Variants in MAP2K4 observed in about 807,000 individuals in gnomAD.
The protein encoded by MAP2K4 is mitogen-activated protein kinase kinase 4.
In MAP2K4, 4 loss-of-function variants were observed where a neutral mutation model predicts 48.5. The observed-to-expected ratio is 0.08, with a 90% CI of 0.04 to 0.19. The LOEUF (loss-of-function observed/expected upper bound fraction) is 0.19, where lower values mean the gene tolerates loss of function less well. MAP2K4 is among the 10% of genes least tolerant of loss of function. The probability of loss-of-function intolerance (pLI) is 1.00; values close to 1 mark genes in which losing one functional copy is unlikely to be tolerated. For missense variants in MAP2K4, 258 were observed against 493.3 expected, an observed-to-expected ratio of 0.52 and a Z score of 4.52; for synonymous variants, 166 against 173.1, an observed-to-expected ratio of 0.96 and a Z score of 0.32.
intron 9 of MAP2K4, among the ~76,000 whole-genome samples, chr17:12,130,096 T>C (rs1288872994): frequency 6.6e-6 from 1 of 152,220 alleles, no homozygotes; most frequent in African/African-American, 2.4e-5. Flanking sequence ...AAATACCTTT[T>C]GGTTTCTCAT....
At chr17:12,133,642 G>C (rs576242208) in intron 9 of MAP2K4, among the ~76,000 whole-genome samples, 39 of 151,792 alleles carry the variant, frequency 2.6e-4, no homozygotes, top group Non-Finnish European at 4.9e-4. Context: ...TTTGTCCTGG[G>C]GGAAGAAAAA....
Position 12,113,292 on chromosome 17 carries a change from G to A in MAP2K4, c.745G>A (p.Gly249Ser), listed in dbSNP as rs1972369123. The change falls in exon 7 of 11, where the codon GGC becomes AGC. Residue 249 changes from glycine (G) to serine (S), a missense_variant. By Grantham distance (56) the Gly-to-Ser change is moderately conservative. This residue lies in a region of MAP2K4 where 132 missense variants were observed against 352.8 expected (regional missense o/e 0.37). Transcript: ENST00000353533. ...TGGAAATATTAAGCTCTGTGACTTCGGCATCAGTGGACAGCTTGTGGACTC... is the reference window on the plus strand; with the variant it reads ...TGGAAATATTAAGCTCTGTGACTTCAGCATCAGTGGACAGCTTGTGGACTC... ...RSGNIKLCDF[G>S]ISGQLVDSIA... The A allele has an allele frequency of 1.2e-5, 19 of 1,613,688 alleles. No homozygotes were observed. The highest frequency in any genetic ancestry group is 6.8e-6 in the Non-Finnish European group (8 of 1,179,738).
chr17:12,045,120 A>G (rs1969920774), intron 1 of MAP2K4, among the ~76,000 whole-genome samples: 1 of 152,176 alleles, frequency 6.6e-6, no homozygotes, highest in South Asian at 2.1e-4. Flanking sequence ...GCCACTCACT[A>G]GAGCTCTGTG....
chr17:12,098,080 A>ATAGTTTTACAATAAAAGTG (rs967914580), intron 4 of MAP2K4, among the ~76,000 whole-genome samples: 3 of 152,220 alleles, frequency 2.0e-5, no homozygotes, highest in African/African-American at 4.8e-5. Flanking sequence ...TAGTTTTTCA[A>ATAGTTTTACAATAAAAGTG]TAGTTTTACA....
chr17:12,033,240 A>G (rs1969493666), intron 1 of MAP2K4, among the ~76,000 whole-genome samples: 1 of 152,202 alleles, frequency 6.6e-6, no homozygotes, highest in Non-Finnish European at 1.5e-5. Flanking sequence ...ATATACCAAA[A>G]TATGATATAA....
chr17:12,096,062 A>T (rs1321222576), intron 4 of MAP2K4, among the ~76,000 whole-genome samples: 1 of 25,358 alleles, frequency 3.9e-5, no homozygotes, highest in African/African-American at 2.0e-4. Context: ...GCCTTGAGCA[A>T]CGCCTCCCCC....
At chr17:12,075,298 G>A (rs1484504661) in intron 2 of MAP2K4, among the ~76,000 whole-genome samples, 6 of 152,214 alleles carry the variant, frequency 3.9e-5, no homozygotes, top group Non-Finnish European at 7.3e-5. Flanking sequence ...CTGAAAAGCA[G>A]TGGTAGAGTG....
At chr17:12,039,460 G>A (rs915430461) in intron 1 of MAP2K4, among the ~76,000 whole-genome samples, 2 of 152,100 alleles carry the variant, frequency 1.3e-5, no homozygotes, top group African/African-American at 4.8e-5. Flanking sequence ...CCATTATATA[G>A]CATCAGCAAT....
At position 12,054,880 on chromosome 17, in the gene MAP2K4, A is replaced by G. The variant is rs774998698; in HGVS notation, c.116-9A>G. The G allele has an allele frequency of 1.9e-6, 3 of 1,582,312 alleles. No homozygotes were observed. Among genetic ancestry groups the G allele is most frequent in the African/African-American group, 2.7e-5 (2 of 74,146 alleles). On this transcript the variant is annotated splice_polypyrimidine_tract_variant and intron_variant, in intron 1 of 10. Transcript: ENST00000353533. Reference sequence around the variant, plus strand: ...TTGAAACTTTTACTTTTTATTTGTTATTTCTCAGGTAAACGCAAAGCACTG... The same window carrying G: ...TTGAAACTTTTACTTTTTATTTGTTGTTTCTCAGGTAAACGCAAAGCACTG...
intron 7 of MAP2K4, chr17:12,115,875 G>A (rs1401637057): frequency 7.7e-6 from 5 of 652,902 alleles, no homozygotes; most frequent in African/African-American, 3.6e-5. Context: ...GGCACCTTTG[G>A]ACTGTGTATT....
chr17:12,115,365 A>G (rs528103300), intron 7 of MAP2K4, among the ~76,000 whole-genome samples: 7 of 152,184 alleles, frequency 4.6e-5, no homozygotes, highest in Non-Finnish European at 8.8e-5. Flanking sequence ...GGTATAGCCT[A>G]CTACACACAT....
At chr17:12,072,774 T>A (rs997225831) in intron 2 of MAP2K4, among the ~76,000 whole-genome samples, 2 of 152,220 alleles carry the variant, frequency 1.3e-5, no homozygotes, top group Admixed American at 6.5e-5. Flanking sequence ...AATGTGTCTA[T>A]ACATAAAATT....
At chr17:12,039,251 C>T (rs970340316) in intron 1 of MAP2K4, among the ~76,000 whole-genome samples, 4 of 152,180 alleles carry the variant, frequency 2.6e-5, no homozygotes, top group African/African-American at 9.7e-5. Context: ...CAAGGTGGCA[C>T]AGCCATGAAC....
intron 1 of MAP2K4, among the ~76,000 whole-genome samples, chr17:12,026,083 T>A (rs899712536): frequency 6.6e-6 from 1 of 152,154 alleles, no homozygotes; most frequent in Admixed American, 6.5e-5. Flanking sequence ...CTTCTTATGT[T>A]CCCTTAAAAA....
At chr17:12,117,097 A>G (rs1001819256) in intron 7 of MAP2K4, among the ~76,000 whole-genome samples, 6 of 152,290 alleles carry the variant, frequency 3.9e-5, no homozygotes, top group Middle Eastern at 3.4e-3. Context: ...GTATGTGGGT[A>G]TGGATGTGCC....
At chr17:12,055,744 T>C (rs1407672484) in intron 2 of MAP2K4, among the ~76,000 whole-genome samples, 1 of 152,080 alleles carries the variant, frequency 6.6e-6, no homozygotes, top group Non-Finnish European at 1.5e-5. Context: ...TTGGTATGCA[T>C]TGTATTTACA....
At chr17:12,109,202 C>T (rs1048819395) in intron 5 of MAP2K4, among the ~76,000 whole-genome samples, 4 of 151,926 alleles carry the variant, frequency 2.6e-5, no homozygotes, top group South Asian at 2.1e-4. Flanking sequence ...ATCCCAGAAC[C>T]CTGCTCTTAA....
At chr17:12,044,295 G>C (rs1482073080) in intron 1 of MAP2K4, among the ~76,000 whole-genome samples, 1 of 152,154 alleles carries the variant, frequency 6.6e-6, no homozygotes, top group Admixed American at 6.5e-5. Context: ...TTTCTGTCGT[G>C]AAAAGGATGA....
chr17:12,069,286 A>G (rs1278412918), intron 2 of MAP2K4, among the ~76,000 whole-genome samples: 1 of 152,180 alleles, frequency 6.6e-6, no homozygotes, highest in Non-Finnish European at 1.5e-5. Flanking sequence ...TCTCATGAAA[A>G]CATGTAACCT....
Sources: allele counts gnomAD v4.1 joint callset (sites outside exome capture counted in the v4.1 genomes callset), GRCh38; gene constraint gnomAD v4.1.1; regional missense constraint gnomAD v4.1.1; transcripts MANE v1.5; gene names NCBI Gene and HGNC (gene_info 2026-07-23, HGNC 2026-07-21).